SV2C: variants seen among roughly 807,000 people sequenced by gnomAD.
The protein encoded by SV2C is solute carrier family 22 member B3.
A neutral mutation model predicts 79.7 loss-of-function variants in SV2C; 49 were observed. The ratio of observed to expected loss-of-function variants is 0.61; its 90% CI spans 0.49 to 0.78. SV2C has a LOEUF of 0.78. SV2C is among the 30% of genes least tolerant of loss of function. The probability of loss-of-function intolerance (pLI) is 0.00; values close to 1 mark genes in which losing one functional copy is unlikely to be tolerated. For missense variants in SV2C, 833 were observed against 912.9 expected (o/e 0.91, Z 1.13); for synonymous variants, 334 against 333.2 (o/e 1.00, Z -0.03).
intron 4 of SV2C, among the ~76,000 whole-genome samples, chr5:76,252,839 A>G (rs920049828): frequency 2.6e-5 from 4 of 152,230 alleles, no homozygotes; most frequent in African/African-American, 7.2e-5. Context: ...AGAATTAATG[A>G]CAAACTCTGT....
chr5:75,977,623 C>T, the SV2C span, among the ~76,000 whole-genome samples: 1 of 152,194 alleles, frequency 6.6e-6, no homozygotes, highest in South Asian at 2.1e-4. Context: ...AGAGCCTTCT[C>T]CTCACCCATA....
intron 4 of SV2C, among the ~76,000 whole-genome samples, chr5:76,219,458 A>T (rs1038197995): frequency 6.6e-6 from 1 of 152,216 alleles, no homozygotes; most frequent in Non-Finnish European, 1.5e-5. Flanking sequence ...GTGAAATTTT[A>T]AAAAAATTAT....
the SV2C span, among the ~76,000 whole-genome samples, chr5:76,059,952 G>A: frequency 1.3e-5 from 2 of 152,060 alleles, no homozygotes; most frequent in Admixed American, 1.3e-4. Context: ...TAATCTCCTT[G>A]TATATCTCCA....
chr5:76,312,271 G>C (rs1014047332), intron 12 of SV2C, among the ~76,000 whole-genome samples: 2 of 151,632 alleles, frequency 1.3e-5, no homozygotes, highest in Non-Finnish European at 2.9e-5. Flanking sequence ...TTTGGGGGGG[G>C]GGACAGGGTC....
At chr5:76,094,357 T>A (rs1747476384) in intron 1 of SV2C, among the ~76,000 whole-genome samples, 1 of 152,190 alleles carries the variant, frequency 6.6e-6, no homozygotes, top group Non-Finnish European at 1.5e-5. Flanking sequence ...CTGTCCTAAT[T>A]TTTATCACCA....
At chr5:76,055,475 A>C in the SV2C span, among the ~76,000 whole-genome samples, 1 of 152,182 alleles carries the variant, frequency 6.6e-6, no homozygotes, top group Non-Finnish European at 1.5e-5. Flanking sequence ...TGTATTGGCT[A>C]TACAAGCTCT....
the SV2C span, among the ~76,000 whole-genome samples, chr5:75,941,937 G>C: frequency 1.3e-5 from 2 of 152,202 alleles, no homozygotes; most frequent in Non-Finnish European, 2.9e-5. Context: ...GGAAGAATCT[G>C]AACAGATAGG....
intron 12 of SV2C, among the ~76,000 whole-genome samples, chr5:76,314,152 CTA>C (rs1346871230): frequency 2.0e-5 from 3 of 152,140 alleles, no homozygotes; most frequent in Admixed American, 6.5e-5. Context: ...TGCCATAACT[CTA>C]GGTGAATGAA....
the SV2C span, among the ~76,000 whole-genome samples, chr5:75,895,413 T>C: frequency 2.0e-5 from 3 of 152,018 alleles, no homozygotes; most frequent in Non-Finnish European, 4.4e-5. Flanking sequence ...GTCTAAAGAA[T>C]CAAAGAAAAA....
intron 4 of SV2C, chr5:76,241,922 T>A (rs1355096543): frequency 2.7e-5 from 20 of 733,192 alleles, no homozygotes; most frequent in Admixed American, 2.1e-5. Flanking sequence ...AAAAATAAAA[T>A]AAAATAAAAC....
At chr5:76,020,725 G>A in the SV2C span, among the ~76,000 whole-genome samples, 2,925 of 152,172 alleles carry the variant, frequency 0.019, 84 homozygotes, top group African/African-American at 0.065. Flanking sequence ...AAGTGGGCAC[G>A]GCCAGGTGAC....
chr5:75,903,671 G>C, the SV2C span, among the ~76,000 whole-genome samples: 1 of 152,242 alleles, frequency 6.6e-6, no homozygotes, highest in East Asian at 1.9e-4. Flanking sequence ...TGAGACCCTT[G>C]TTCTCACAGC....
intron 4 of SV2C, among the ~76,000 whole-genome samples, chr5:76,210,782 T>A (rs1251688628): frequency 9.9e-5 from 15 of 152,166 alleles, no homozygotes; most frequent in Admixed American, 9.8e-4. Context: ...CCACCAACAG[T>A]TGTCTCGTTA....
chr5:75,915,177 T>C, the SV2C span, among the ~76,000 whole-genome samples: 2 of 152,094 alleles, frequency 1.3e-5, no homozygotes, highest in Admixed American at 6.5e-5. Context: ...TCAAACCATA[T>C]CACCATTTCA....
At chr5:76,213,203 T>C (rs1744818948) in intron 4 of SV2C, among the ~76,000 whole-genome samples, 1 of 152,230 alleles carries the variant, frequency 6.6e-6, no homozygotes, top group Admixed American at 6.5e-5. Context: ...TTCATTCAAT[T>C]CTGTCTGCAA....
intron 4 of SV2C, among the ~76,000 whole-genome samples, chr5:76,231,146 GT>G (rs1278063248): frequency 6.6e-6 from 1 of 152,102 alleles, no homozygotes; most frequent in Non-Finnish European, 1.5e-5. Flanking sequence ...CAGTTCAGTT[GT>G]TTTTCTTTGG....
At chr5:76,204,782 C>A (rs946867393) in intron 3 of SV2C, among the ~76,000 whole-genome samples, 1 of 152,190 alleles carries the variant, frequency 6.6e-6, no homozygotes, top group Non-Finnish European at 1.5e-5. Context: ...CCTGAAACAG[C>A]GTACATCAGT....
the SV2C span, among the ~76,000 whole-genome samples, chr5:75,933,864 G>A: frequency 2.0e-5 from 3 of 152,152 alleles, no homozygotes; most frequent in Non-Finnish European, 4.4e-5. Context: ...CTAGCTTCAG[G>A]AAAGGCTCCT....
chr5:76,055,292 A>G, the SV2C span, among the ~76,000 whole-genome samples: 1 of 152,282 alleles, frequency 6.6e-6, no homozygotes, highest in South Asian at 2.1e-4. Context: ...CAAGTTTGTC[A>G]AAGATCAGAT....
Sources: allele counts gnomAD v4.1 joint callset (sites outside exome capture counted in the v4.1 genomes callset), GRCh38; gene constraint gnomAD v4.1.1; transcripts MANE v1.5; gene names NCBI Gene and HGNC (gene_info 2026-07-23, HGNC 2026-07-21).